PSD3: variants seen among roughly 807,000 people sequenced by gnomAD.
The protein encoded by PSD3 is pleckstrin and Sec7 domain containing 3.
In PSD3, 49 loss-of-function variants were observed where a neutral mutation model predicts 105.5. The ratio of observed to expected loss-of-function variants is 0.46; its 90% confidence interval spans 0.37 to 0.59. The LOEUF (loss-of-function observed/expected upper bound fraction) is 0.59. PSD3 is among the 20% of genes least tolerant of loss of function. The pLI is 0.00. For synonymous variants in PSD3, 557 were observed against 457.8 expected, an observed-to-expected ratio of 1.22 and a Z score of -2.77; for missense variants, 1,561 against 1,263.8, an observed-to-expected ratio of 1.24 and a Z score of -3.57.
upstream of PSD3, among the ~76,000 whole-genome samples, chr8:19,016,828 A>G (rs906920762): frequency 2.0e-5 from 3 of 152,116 alleles, no homozygotes; most frequent in African/African-American, 7.2e-5. Flanking sequence ...ACGGGAAGCA[A>G]ATGGGGTCCA....
intron 9 of PSD3, among the ~76,000 whole-genome samples, chr8:18,677,490 A>G (rs907273387): frequency 4.6e-5 from 7 of 152,206 alleles, no homozygotes; most frequent in African/African-American, 1.7e-4. Flanking sequence ...GGTTACAGTG[A>G]GCCCAGGTCA....
chr8:18,681,841 T>C (rs550972616), intron 9 of PSD3, among the ~76,000 whole-genome samples: 1 of 152,192 alleles, frequency 6.6e-6, no homozygotes, highest in African/African-American at 2.4e-5. Flanking sequence ...GCTATATCCT[T>C]GAACACATAT....
intron 4 of PSD3, among the ~76,000 whole-genome samples, chr8:18,817,597 C>A (rs1459379754): frequency 6.6e-6 from 1 of 152,220 alleles, no homozygotes; most frequent in Non-Finnish European, 1.5e-5. Context: ...GTACTCGTCT[C>A]AATGCAGCTA....
chr8:19,027,846 T>C (rs999089562), intron 1 of PSD3, among the ~76,000 whole-genome samples: 4 of 152,248 alleles, frequency 2.6e-5, no homozygotes, highest in African/African-American at 4.8e-5. Context: ...CACCAGTTGA[T>C]GGACATTTGA....
chr8:18,729,647 A>C (rs1411593221), intron 9 of PSD3, among the ~76,000 whole-genome samples: 1 of 152,242 alleles, frequency 6.6e-6, no homozygotes, highest in Non-Finnish European at 1.5e-5. Context: ...TATCAAGAAA[A>C]GATACCCAAC....
intron 2 of PSD3, among the ~76,000 whole-genome samples, chr8:18,911,709 T>C (rs951414537): frequency 2.6e-5 from 4 of 152,200 alleles, no homozygotes; most frequent in Non-Finnish European, 4.4e-5. Context: ...ATTTTCATTT[T>C]TTATAATTCA....
chr8:19,084,279 C>T lies in PSD3; in HGVS notation c.251G>A (p.Trp84Ter), dbSNP rs997920912. 8.8e-6 allele frequency: 4 copies of T among 456,186 alleles called. No homozygotes were observed. Among genetic ancestry groups the T allele is most frequent in the African/African-American group, 6.0e-5 (3 of 50,084 alleles). 28.3% of individuals were successfully genotyped at this position (456,186 alleles called of 1,614,324 possible). The change falls in exon 1 of 2, where the codon TGG becomes TAG. Residue 84 changes from tryptophan to a stop codon, truncating the protein, a stop_gained. Transcript: ENST00000521475. LOFTEE classifies it high-confidence loss of function. Reference sequence around the variant, plus strand: ...CACAGCTGGACAGTACCTGTAGAGCCATGCCCTTGTCGCCTGCGCTGTGGT... The same window carrying T: ...CACAGCTGGACAGTACCTGTAGAGCTATGCCCTTGTCGCCTGCGCTGTGGT...
rs1799758736 is a variant in PSD3 at position 18,534,585 on chromosome 8, C to T, written c.*1158G>A. ...CAAGAATAAACAAAGTCACTTTGCA[C>T]CTGCAACCAGAAGATTCCTCAGTTT... is the stretch of plus-strand genomic sequence containing the variant. On this transcript the variant is annotated 3_prime_UTR_variant, in exon 16 of 16. Coordinates refer to ENST00000327040, the MANE Select transcript of PSD3 (RefSeq NM_015310.4). The T allele has an allele frequency of 6.6e-6, 1 of 152,170 alleles. No individual in the cohort carries two copies. Among genetic ancestry groups the T allele is most frequent in the Non-Finnish European group, 1.5e-5 (1 of 68,026 alleles). 9.4% of individuals were successfully genotyped at this position (152,170 alleles called of 1,614,324 possible).
rs1469704218 is a variant in PSD3 at position 18,807,849 on chromosome 8, T to C, written c.1635-2951A>G. Among the ~76,000 whole-genome samples, 5 of 152,206 alleles carry C rather than the reference T, an allele frequency of 3.3e-5. No homozygotes were observed. The South Asian group carries it at 1.0e-3, about 32-fold the overall frequency. On this transcript the variant is annotated intron_variant, in intron 4 of 15. Transcript: ENST00000327040. Reference sequence around the variant, plus strand: ...GGCTGGGTGTGGTGGCTGAAACCTGTAATCCCTGCACACTGGGAAGCCAAG... The same window carrying C: ...GGCTGGGTGTGGTGGCTGAAACCTGCAATCCCTGCACACTGGGAAGCCAAG...
chr8:18,618,817 T>A (rs1805894069), intron 11 of PSD3, among the ~76,000 whole-genome samples: 1 of 152,040 alleles, frequency 6.6e-6, no homozygotes, highest in Non-Finnish European at 1.5e-5. Context: ...ACTAGCTGGG[T>A]CTAGGGGCGT....
At chr8:18,706,680 T>A (rs1246698676) in intron 9 of PSD3, among the ~76,000 whole-genome samples, 1 of 152,200 alleles carries the variant, frequency 6.6e-6, no homozygotes, top group East Asian at 1.9e-4. Context: ...CTGCATCTAA[T>A]GAACTGTGAG....
chr8:18,742,755 T>C (rs1389039778), intron 9 of PSD3, among the ~76,000 whole-genome samples: 1 of 152,230 alleles, frequency 6.6e-6, no homozygotes, highest in Non-Finnish European at 1.5e-5. Flanking sequence ...TATTTATTAC[T>C]GGCAAAATGC....
At chr8:19,052,838 G>T (rs1272333986) in intron 1 of PSD3, among the ~76,000 whole-genome samples, 1 of 152,132 alleles carries the variant, frequency 6.6e-6, no homozygotes, top group Admixed American at 6.5e-5. Context: ...GGCACACTGG[G>T]GAGGGACAGG....
Position 18,743,853 on chromosome 8 carries a change from G to A in PSD3, c.2172+21596C>T, listed in dbSNP as rs1278046136. 3.3e-5 allele frequency among the ~76,000 whole-genome samples: 5 copies of A among 151,478 alleles called. No homozygotes were observed. The East Asian group carries it at 9.7e-4, about 29-fold the overall frequency. On this transcript the variant is annotated intron_variant, in intron 9 of 15. Coordinates refer to ENST00000327040, the MANE Select transcript of PSD3 (RefSeq NM_015310.4). ...AGTCCCAGCTACTTTGAGGGGGGAG[G>A]TTAAGGTGGGAGGATCCCTTGAGCC... is the stretch of plus-strand genomic sequence containing the variant.
chr8:18,780,460 T>G (rs1421256312), intron 8 of PSD3, among the ~76,000 whole-genome samples: 1 of 152,182 alleles, frequency 6.6e-6, no homozygotes, highest in Non-Finnish European at 1.5e-5. Flanking sequence ...TTGTGAATTA[T>G]TTTTTGGTTT....
intron 1 of PSD3, among the ~76,000 whole-genome samples, chr8:19,077,410 C>T (rs906777261): frequency 3.9e-5 from 6 of 151,986 alleles, no homozygotes; most frequent in African/African-American, 1.5e-4. Flanking sequence ...GAAATATGCA[C>T]AACATGAAGG....
intron 8 of PSD3, among the ~76,000 whole-genome samples, chr8:18,790,445 G>A (rs1809601945): frequency 1.3e-5 from 2 of 151,718 alleles, no homozygotes; most frequent in South Asian, 4.2e-4. Flanking sequence ...TGGGACTACA[G>A]GCTCCCGCCA....
At chr8:18,944,571 AAAATAAATAAATAAATAAATAAAT>A (rs56700106) in intron 1 of PSD3, among the ~76,000 whole-genome samples, 21 of 143,770 alleles carry the variant, frequency 1.5e-4, no homozygotes, top group South Asian at 4.6e-4. Flanking sequence ...ACTCCATCTC[AAAATAAATAAATAAATAAATAAAT>A]AAATAAATAA....
intron 10 of PSD3, among the ~76,000 whole-genome samples, chr8:18,634,750 C>A (rs1359373393): frequency 3.3e-5 from 5 of 152,022 alleles, no homozygotes; most frequent in Non-Finnish European, 5.9e-5. Context: ...GGAAAGATTC[C>A]ATATAGGTGA....
Sources: allele counts gnomAD v4.1 joint callset (sites outside exome capture counted in the v4.1 genomes callset), GRCh38; gene constraint gnomAD v4.1.1; transcripts MANE v1.5; gene names NCBI Gene and HGNC (gene_info 2026-07-23, HGNC 2026-07-21).